Variants in MDH2 observed in about 807,000 individuals in gnomAD.
MDH2 encodes the protein malate dehydrogenase, mitochondrial.
In MDH2, 25 loss-of-function variants were observed where a neutral mutation model predicts 33.6. That is an observed-to-expected ratio of 0.74 (90% CI 0.54 to 1.04). MDH2 has a LOEUF of 1.04. MDH2 is among the 50% of genes least tolerant of loss of function. The pLI is 0.00. For synonymous variants in MDH2, 193 were observed against 188.7 expected, an observed-to-expected ratio of 1.02 and a Z score of -0.19; for missense variants, 432 against 445.0, an observed-to-expected ratio of 0.97 and a Z score of 0.26.
chr7:76,052,768 AG>A (rs1335617320), intron 1 of MDH2, among the ~76,000 whole-genome samples: 17 of 152,158 alleles, frequency 1.1e-4, no homozygotes, highest in Non-Finnish European at 2.5e-4. Flanking sequence ...CTGGTCTCAA[AG>A]TCCTGACTTA....
At chr7:76,051,726 A>C (rs1554585467) in intron 1 of MDH2, among the ~76,000 whole-genome samples, 1 of 152,226 alleles carries the variant, frequency 6.6e-6, no homozygotes, top group East Asian at 1.9e-4. Flanking sequence ...ACTCAAGTAG[A>C]AATTTTAAAA....
At chr7:76,048,850 T>G in intron 1 of MDH2, 1 of 1,197,320 alleles carries the variant, frequency 8.4e-7, no homozygotes, top group Non-Finnish European at 1.0e-6. Flanking sequence ...CCGCGACCAC[T>G]TAAGCCTAGG....
chr7:76,064,811 C>T lies in MDH2; in HGVS notation c.743C>T (p.Thr248Ile), dbSNP rs1554587582. Reference protein sequence around the residue: ...VKAKAGAGSATLSMAYAGARF... With the variant: ...VKAKAGAGSAILSMAYAGARF... The stretch of plus-strand genomic sequence containing the variant: ...GTCTGTGCCCCCCTAGGCTCTGCCA[C>T]CCTCTCCATGGCGTATGCCGGCGCC... Residue 248 changes from threonine (T) to isoleucine (I), a missense_variant, in exon 8 of 9, where the codon ACC becomes ATC. Transcript: ENST00000315758. 6.2e-7 allele frequency: 1 copy of T among 1,613,876 alleles called. No individual in the cohort carries two copies. The highest frequency in any genetic ancestry group is 1.3e-5 in the African/African-American group (1 of 75,044).
Position 76,057,104 on chromosome 7 carries a change from A to G in MDH2, c.236-306A>G, listed in dbSNP as rs150771353. On this transcript the variant is annotated intron_variant, in intron 2 of 8. Coordinates refer to ENST00000315758, the MANE Select transcript of MDH2 (RefSeq NM_005918.4). ...AACTGGAGGCCAAGTGTGACTTACA[A>G]TGCTCACGAGTAGGATGAAGACAAG... is the stretch of plus-strand genomic sequence containing the variant. 3.0e-4 allele frequency among the ~76,000 whole-genome samples: 45 copies of G among 152,110 alleles called. No homozygotes were observed. The Middle Eastern group carries it at 0.01, about 35-fold the overall frequency.
At position 76,057,472 on chromosome 7, in the gene MDH2, G is replaced by C; in HGVS notation, c.298G>C (p.Ala100Pro). 6.2e-7 allele frequency: 1 copy of C among 1,614,144 alleles called. No individual in the cohort carries two copies. The highest frequency in any genetic ancestry group is 8.5e-7 in the Non-Finnish European group (1 of 1,180,022). The change falls in exon 3 of 9, where the codon GCT becomes CCT. Residue 100 changes from alanine to proline, a missense_variant. Coordinates refer to ENST00000315758, the MANE Select transcript of MDH2 (RefSeq NM_005918.4). The part of the protein sequence containing the change: ...LKGCDVVVIP[A>P]GVPRKPGMTR... ...AGGTTGTGATGTGGTAGTTATTCCG[G>C]CTGGAGTCCCCAGAAAGCCAGGTTT...
At chr7:76,063,054 C>T (rs1438737010) in intron 5 of MDH2, among the ~76,000 whole-genome samples, 1 of 152,190 alleles carries the variant, frequency 6.6e-6, no homozygotes, top group African/African-American at 2.4e-5. Context: ...ACTTCTAACT[C>T]ATGGGTATCC....
rs1585404996 is a variant in MDH2 at position 76,057,298 on chromosome 7, G to A, written c.236-112G>A. 1.6e-5 allele frequency: 17 copies of A among 1,037,920 alleles called. No homozygotes were observed. The East Asian group carries it at 4.2e-4, about 26-fold the overall frequency. 64.3% of individuals were successfully genotyped at this position (1,037,920 alleles called of 1,614,324 possible). ...ACAGAAGGAAGTCACGTTACAGGCA[G>A]GGCTTCTAGCCTTTCTCGAGGCCAT... On this transcript the variant is annotated intron_variant, in intron 2 of 8. Transcript: ENST00000315758.
chr7:76,048,632 G>A, intron 1 of MDH2: 4 of 1,268,624 alleles, frequency 3.2e-6, no homozygotes, highest in Non-Finnish European at 4.0e-6. Flanking sequence ...AGTTGTGCGT[G>A]AATAAAAGAA....
rs1554586509 is a variant in MDH2, at chr7:76,057,988, G to A, written c.339G>A (p.Leu113=). The A allele has an allele frequency of 1.2e-6, 2 of 1,614,114 alleles. No individual in the cohort carries two copies. The highest frequency in any genetic ancestry group is 1.7e-6 in the Non-Finnish European group (2 of 1,180,032). The change falls in exon 4 of 9, where the codon CTG becomes CTA. Residue 113 remains leucine, a synonymous_variant. Transcript: ENST00000315758. ...TTCCAGGCATGACCCGGGACGACCT[G>A]TTCAACACCAATGCCACGATTGTGG... is the stretch of plus-strand genomic sequence containing the variant. ...PRKPGMTRDD[L]FNTNATIVAT... is the part of the protein sequence containing the mutation.
At chr7:76,063,408 C>T in intron 5 of MDH2, 107 bp from the exon 6 acceptor site, 1 of 1,077,518 alleles carries the variant, frequency 9.3e-7, no homozygotes, top group South Asian at 1.3e-5. Flanking sequence ...CTCTGTTCCA[C>T]CCTGAGTTCT....
At chr7:76,062,247 T>C (rs1797975630) in intron 5 of MDH2, among the ~76,000 whole-genome samples, 1 of 152,248 alleles carries the variant, frequency 6.6e-6, no homozygotes, top group Non-Finnish European at 1.5e-5. Flanking sequence ...GCCAATGCCT[T>C]GTTCCCGTTT....
At chr7:76,054,389 G>T (rs1168106611) in intron 1 of MDH2, 1 of 194,290 alleles carries the variant, frequency 5.1e-6, no homozygotes, top group Non-Finnish European at 1.0e-5. Flanking sequence ...CTGTGACAGT[G>T]TTCTCCCTGC....
At chr7:76,058,288 T>C (rs2116677077) in intron 4 of MDH2, 3 of 556,754 alleles carry the variant, frequency 5.4e-6, no homozygotes, top group Non-Finnish European at 6.5e-6. Flanking sequence ...ATGAACTGAA[T>C]GAGGGTTGTC....
chr7:76,066,356 C>T lies in MDH2; in HGVS notation c.963C>T (p.Pro321=), dbSNP rs781841137. The T allele has an allele frequency of 9.9e-6, 16 of 1,610,602 alleles. No homozygotes were observed. Among genetic ancestry groups the T allele is most frequent in the South Asian group, 6.6e-5 (6 of 90,694 alleles). The change falls in exon 9 of 9, where the codon CCC becomes CCT. Residue 321 remains proline (P), a synonymous_variant. Transcript: ENST00000315758. ...AGAAGATGATCTCGGATGCCATCCC[C>T]GAGCTGAAGGCCTCCATCAAGAAGG... ...FEEKMISDAI[P]ELKASIKKGE... is the part of the protein sequence containing the mutation.
chr7:76,063,994 A>G (rs555565773), intron 6 of MDH2, among the ~76,000 whole-genome samples: 3 of 152,152 alleles, frequency 2.0e-5, no homozygotes, highest in Admixed American at 1.3e-4. Flanking sequence ...ATGATGCACC[A>G]CTGAAGCCTG....
At chr7:76,060,806 G>A (rs1201313547) in intron 5 of MDH2, among the ~76,000 whole-genome samples, 9 of 151,940 alleles carry the variant, frequency 5.9e-5, no homozygotes, top group African/African-American at 1.7e-4. Context: ...CTTGGACGGG[G>A]CTCCCCCAGT....
intron 6 of MDH2, 50 bp from the exon 7 acceptor site, chr7:76,064,289 T>C: frequency 6.8e-7 from 1 of 1,460,690 alleles, no homozygotes; most frequent in South Asian, 1.2e-5. Context: ...GCAGTGGGTC[T>C]GGGGTCATGG....
intron 1 of MDH2, among the ~76,000 whole-genome samples, chr7:76,051,426 A>C (rs1338823938): frequency 1.3e-5 from 2 of 148,600 alleles, no homozygotes; most frequent in Admixed American, 6.8e-5. Context: ...GGTTCAAGCC[A>C]TTCTCCTGCC....
intron 8 of MDH2, 91 bp from the exon 9 acceptor site, chr7:76,066,188 C>T: frequency 3.3e-6 from 5 of 1,509,710 alleles, no homozygotes; most frequent in Non-Finnish European, 4.5e-6. Flanking sequence ...TAGAGAGACT[C>T]CTCGGCAGGG....
Sources: allele counts gnomAD v4.1 joint callset (sites outside exome capture counted in the v4.1 genomes callset), GRCh38; gene constraint gnomAD v4.1.1; transcripts MANE v1.5; gene names NCBI Gene and HGNC (gene_info 2026-07-23, HGNC 2026-07-21).